The following MSTO1 variants were observed in gnomAD, a reference collection of about 807,000 sequenced individuals.
The protein encoded by MSTO1 is misato mitochondrial distribution and morphology regulator 1.
MSTO1 carries 24 observed loss-of-function variants against 55.7 expected under a neutral mutation model. The ratio of observed to expected loss-of-function variants is 0.43; its 90% CI spans 0.31 to 0.61. The LOEUF is 0.61. Ranked by LOEUF, MSTO1 falls within the 20% of genes least tolerant of loss-of-function variation. MSTO1 has a pLI of 0.09. For synonymous variants in MSTO1, 162 were observed against 252.8 expected, an observed-to-expected ratio of 0.64 and a Z score of 3.41; for missense variants, 363 against 625.7, an observed-to-expected ratio of 0.58 and a Z score of 4.48.
the MSTO1 span, among the ~76,000 whole-genome samples, chr1:155,574,870 C>CTTTTTTTTTTTTTTTTTTTT: frequency 7.9e-6 from 1 of 126,244 alleles, no homozygotes; most frequent in Non-Finnish European, 1.7e-5. Flanking sequence ...AGAACTTTTT[C>CTTTTTTTTTTTTTTTTTTTT]TTTTTTTTTT....
chr1:155,566,872 C>T, the MSTO1 span, among the ~76,000 whole-genome samples: 3 of 151,996 alleles, frequency 2.0e-5, no homozygotes, highest in South Asian at 2.1e-4. Flanking sequence ...GTCTCGGCCT[C>T]CCAAAGTGCT....
chr1:155,573,097 A>G, the MSTO1 span, among the ~76,000 whole-genome samples: 1 of 152,238 alleles, frequency 6.6e-6, no homozygotes, highest in Non-Finnish European at 1.5e-5. Context: ...CAAAGGCTAC[A>G]TGTTAGCAAA....
the MSTO1 span, among the ~76,000 whole-genome samples, chr1:155,599,837 G>GTGC: frequency 6.6e-6 from 1 of 152,224 alleles, no homozygotes. Context: ...AAAGGATTAA[G>GTGC]TGCTGTGCTT....
At chr1:155,576,835 A>G in the MSTO1 span, among the ~76,000 whole-genome samples, 5,693 of 148,142 alleles carry the variant, frequency 0.038, 380 homozygotes, top group African/African-American at 0.14. Context: ...CTAACATGGT[A>G]AAACCCCATC....
chr1:155,575,319 T>C, the MSTO1 span, among the ~76,000 whole-genome samples: 1 of 152,142 alleles, frequency 6.6e-6, no homozygotes, highest in East Asian at 1.9e-4. Context: ...TGTGAAGTGG[T>C]ATCTCATTGT....
chr1:155,583,109 G>A, the MSTO1 span, among the ~76,000 whole-genome samples: 1 of 151,664 alleles, frequency 6.6e-6, no homozygotes, highest in Non-Finnish European at 1.5e-5. Flanking sequence ...GGCCTCAAAT[G>A]ATTTTTTCCG....
the MSTO1 span, among the ~76,000 whole-genome samples, chr1:155,587,745 GAAAAAAA>G: frequency 4.2e-5 from 2 of 47,424 alleles, no homozygotes; most frequent in East Asian, 1.2e-3. Context: ...CTCCGTCTCA[GAAAAAAA>G]AAAAAAAAAA....
chr1:155,578,364 T>TTTG, the MSTO1 span, among the ~76,000 whole-genome samples: 1 of 141,452 alleles, frequency 7.1e-6, no homozygotes, highest in Non-Finnish European at 1.5e-5. Context: ...TTTTTTTTTT[T>TTTG]GAGATAGAGT....
At chr1:155,580,198 C>T in the MSTO1 span, among the ~76,000 whole-genome samples, 1 of 150,758 alleles carries the variant, frequency 6.6e-6, no homozygotes, top group Non-Finnish European at 1.5e-5. Flanking sequence ...TGAAACCAGC[C>T]TTGGTAACAT....
At chr1:155,592,492 C>T in the MSTO1 span, among the ~76,000 whole-genome samples, 6 of 151,968 alleles carry the variant, frequency 3.9e-5, no homozygotes, top group African/African-American at 1.2e-4. Flanking sequence ...AGCATTGCTG[C>T]TTCTGCTGTA....
chr1:155,569,434 CTTTTTTTTTTT>C, the MSTO1 span, among the ~76,000 whole-genome samples: 1 of 89,784 alleles, frequency 1.1e-5, no homozygotes, highest in Non-Finnish European at 2.2e-5. Flanking sequence ...TGCGCCCGGT[CTTTTTTTTTTT>C]TTTTTTTTTT....
intron 3 of MSTO1, 43 bp from the exon 4 acceptor site, chr1:155,611,173 G>C (rs1673870817): frequency 1.9e-6 from 3 of 1,544,996 alleles, no homozygotes; most frequent in Non-Finnish European, 2.6e-6. Flanking sequence ...GGATAACTCT[G>C]ATCAGAGTGC....
chr1:155,611,973 C>T lies in MSTO1; in HGVS notation c.561-10C>T. The T allele has an allele frequency of 1.9e-6, 2 of 1,040,460 alleles. No homozygotes were observed. Among genetic ancestry groups the T allele is most frequent in the South Asian group, 1.5e-5 (1 of 66,608 alleles). The allele number at this position is 1,040,460 out of a possible 1,614,324, so 64.5% of individuals were successfully genotyped here. ...AGATGTAAGTCTTGGATCATGTTTA[C>T]TTGTGGCAGGGAAGCAGGTCGGCTG... is the stretch of plus-strand genomic sequence containing the variant. On this transcript the variant is annotated splice_polypyrimidine_tract_variant and intron_variant, in intron 6 of 13. Transcript: ENST00000245564.
the MSTO1 span, among the ~76,000 whole-genome samples, chr1:155,565,686 C>G: frequency 6.6e-6 from 1 of 152,190 alleles, no homozygotes. Context: ...CATATGGTCT[C>G]TGTGTTAAAA....
the MSTO1 span, among the ~76,000 whole-genome samples, chr1:155,570,938 G>A: frequency 6.6e-6 from 1 of 152,110 alleles, no homozygotes; most frequent in Non-Finnish European, 1.5e-5. Context: ...TAAAAGCTGG[G>A]GAGCTTTAAA....
chr1:155,613,540 A>G lies in MSTO1; in HGVS notation c.1362A>G (p.Leu454=), dbSNP rs1487370188. 1.2e-6 allele frequency: 2 copies of G among 1,612,954 alleles called. No homozygotes were observed. Among genetic ancestry groups the G allele is most frequent in the African/African-American group, 2.7e-5 (2 of 74,884 alleles). Residue 454 remains leucine (L), a synonymous_variant, in exon 12 of 14, where the codon TTA becomes TTG. Transcript: ENST00000245564. ...TTGEEILAQY[L]QQQQPGVMSS... ...GGGAAGAAATCTTGGCTCAGTATTT[A>G]CAACAGCAGCAGCCTGGAGTCATGA... is the stretch of plus-strand genomic sequence containing the variant.
chr1:155,602,046 G>A, the MSTO1 span: 57 of 599,878 alleles, frequency 9.5e-5, no homozygotes, highest in South Asian at 6.2e-4. Flanking sequence ...GAGCCGCCGC[G>A]CCCGGCCTCT....
chr1:155,598,789 G>A, the MSTO1 span: 1 of 1,032,106 alleles, frequency 9.7e-7, no homozygotes, highest in South Asian at 1.3e-5. Flanking sequence ...TAGTCACCTT[G>A]TAGTCACGTT....
chr1:155,614,545 G>C lies in MSTO1; in HGVS notation c.*272G>C. ...CATAAAAGACCTTGAATGATGCCTAGGATGGCAGAGCCCCTGGGTCCTACT... is the reference window on the plus strand; with the variant it reads ...CATAAAAGACCTTGAATGATGCCTACGATGGCAGAGCCCCTGGGTCCTACT... On this transcript the variant is annotated 3_prime_UTR_variant, in exon 14 of 14. Transcript: ENST00000245564. 1 of 619,558 alleles carries C rather than the reference G, an allele frequency of 1.6e-6. No homozygotes were observed. Among genetic ancestry groups the C allele is most frequent in the Non-Finnish European group, 2.9e-6 (1 of 340,602 alleles). The allele number at this position is 619,558 out of a possible 1,614,324, so 38.4% of individuals were successfully genotyped here.
Sources: allele counts gnomAD v4.1 joint callset (sites outside exome capture counted in the v4.1 genomes callset), GRCh38; gene constraint gnomAD v4.1.1; transcripts MANE v1.5; gene names NCBI Gene and HGNC (gene_info 2026-07-23, HGNC 2026-07-21).